ZNF705A: variants seen among roughly 807,000 people sequenced by gnomAD.
ZNF705A encodes the protein zinc finger protein 705A.
Under a neutral mutation model 16.6 loss-of-function variants are expected in ZNF705A, and 8 were observed. The ratio of observed to expected loss-of-function variants is 0.48; its 90% confidence interval spans 0.28 to 0.87. The LOEUF is 0.87. ZNF705A is among the 40% of genes least tolerant of loss of function. The pLI, the probability that ZNF705A is intolerant of heterozygous loss-of-function variation, is 0.10. For synonymous variants in ZNF705A, 73 were observed against 117.3 expected (o/e 0.62, Z 2.44); for missense variants, 233 against 359.9 (o/e 0.65, Z 2.85).
upstream of ZNF705A, among the ~76,000 whole-genome samples, chr12:8,170,208 G>GGA (rs1234222791): frequency 3.0e-5 from 4 of 134,278 alleles, no homozygotes; most frequent in African/African-American, 6.7e-5. Flanking sequence ...AAAAAAAAAA[G>GGA]GAGAGAGAGA....
chr12:8,171,446 T>C (rs1357906882), upstream of ZNF705A, among the ~76,000 whole-genome samples: 3 of 152,220 alleles, frequency 2.0e-5, no homozygotes, highest in Non-Finnish European at 4.4e-5. Flanking sequence ...TGTATCATGA[T>C]AATCAGAGAT....
exon 5 of ZNF705A, chr12:8,177,796 C>T (rs1948498566): frequency 1.3e-6 from 1 of 762,940 alleles, no homozygotes; most frequent in African/African-American, 1.8e-5. Context: ...GTTGTAGCAT[C>T]TAAACATGCC....
intron 1 of ZNF705A, among the ~76,000 whole-genome samples, chr12:8,163,905 GT>G (rs943246052): frequency 6.6e-6 from 1 of 151,720 alleles, no homozygotes; most frequent in Non-Finnish European, 1.5e-5. Flanking sequence ...CCCCCTTCTT[GT>G]TTTTTTTAAC....
exon 1 of ZNF705A, chr12:8,172,624 C>T (rs1948454123): frequency 1.9e-5 from 30 of 1,596,448 alleles, no homozygotes; most frequent in Non-Finnish European, 2.5e-5. Flanking sequence ...GAGTTCCGGA[C>T]AATGCATTCA....
upstream of ZNF705A, among the ~76,000 whole-genome samples, chr12:8,169,417 A>AT (rs1310757450): frequency 7.2e-5 from 11 of 152,230 alleles, no homozygotes; most frequent in East Asian, 2.1e-3. Context: ...AGATAACAGG[A>AT]TTTTCCATTT....
chr12:8,163,014 G>A (rs1463266208), intron 1 of ZNF705A, among the ~76,000 whole-genome samples: 3 of 152,188 alleles, frequency 2.0e-5, no homozygotes, highest in Non-Finnish European at 4.4e-5. Context: ...GGAGGGAGTT[G>A]AATCATGTGG....
At position 8,164,898 on chromosome 12, in the gene ZNF705A, G is replaced by A. The variant is rs143984677; in HGVS notation, c.-71-7657G>A. ...GTGGTATTTCTGGTTGTAGGTCTTT[G>A]AGGAATCACCATACTGTCTTCCACA... On this transcript the variant is annotated intron_variant, in intron 1 of 5. Coordinates refer to the ZNF705A transcript ENST00000396570. Among the ~76,000 whole-genome samples, 622 of 152,262 alleles carry A rather than the reference G, an allele frequency of 4.1e-3. 4 individuals carry two copies. Among genetic ancestry groups the A allele is most frequent in the African/African-American group, 0.014 (577 of 41,550 alleles).
intron 1 of ZNF705A, among the ~76,000 whole-genome samples, chr12:8,165,701 A>G (rs1948394531): frequency 6.6e-6 from 1 of 151,936 alleles, no homozygotes; most frequent in Non-Finnish European, 1.5e-5. Flanking sequence ...AGTAGTCCCC[A>G]GTATCTGTTG....
In ZNF705A at chr12:8,161,636, C is replaced by T. The variant is rs746133200; in HGVS notation, c.-72+4544C>T. ...ATCAGTGGTGTCAGTTGTAATATCT[C>T]CTGTTCCAATTACCAGAAATGCAAC... On this transcript the variant is annotated intron_variant, in intron 1 of 5. Coordinates refer to the ZNF705A transcript ENST00000396570. Among the ~76,000 whole-genome samples, 15 of 152,192 alleles carry T rather than the reference C, an allele frequency of 9.9e-5. 1 individual carries two copies. The South Asian group carries it at 2.9e-3, about 29-fold the overall frequency.
At chr12:8,179,381 C>G (rs1182830838) in exon 5 of ZNF705A, 1 of 152,212 alleles carries the variant, frequency 6.6e-6, no homozygotes, top group Admixed American at 6.5e-5. Context: ...ATGTACTTTT[C>G]CCGAAGCAAA....
chr12:8,170,812 T>C (rs1421648150), upstream of ZNF705A, among the ~76,000 whole-genome samples: 9 of 152,274 alleles, frequency 5.9e-5, no homozygotes, highest in Admixed American at 3.9e-4. Flanking sequence ...GATGAACAGA[T>C]GTAGAAAATA....
chr12:8,179,818 A>G (rs1046096953), exon 5 of ZNF705A: 16 of 152,198 alleles, frequency 1.1e-4, no homozygotes. Context: ...CTGACATTAT[A>G]TGTACTCCTG....
chr12:8,179,598 A>T (rs1948515744), exon 5 of ZNF705A: 1 of 152,210 alleles, frequency 6.6e-6, no homozygotes, highest in Admixed American at 6.5e-5. Context: ...CCGTGGTTGA[A>T]GTTGACAAAT....
chr12:8,158,417 T>G (rs1175857623), intron 1 of ZNF705A, among the ~76,000 whole-genome samples: 1 of 152,176 alleles, frequency 6.6e-6, no homozygotes, highest in East Asian at 1.9e-4. Flanking sequence ...TGGCTTCTTT[T>G]GTTTAGCATA....
upstream of ZNF705A, among the ~76,000 whole-genome samples, chr12:8,168,093 C>G (rs1200093345): frequency 6.6e-6 from 1 of 152,188 alleles, no homozygotes; most frequent in Non-Finnish European, 1.5e-5. Context: ...GCTTTCTTTC[C>G]TTTTCCGGTG....
chr12:8,160,564 ATTTT>A (rs71042338), intron 1 of ZNF705A, among the ~76,000 whole-genome samples: 12 of 135,932 alleles, frequency 8.8e-5, no homozygotes, highest in Admixed American at 7.3e-5. Flanking sequence ...ATTTCTAAGT[ATTTT>A]TTTTTTTTTT....
At chr12:8,176,099 G>C (rs1948482687) in intron 4 of ZNF705A, among the ~76,000 whole-genome samples, 157 bp downstream of exon 5, 1 of 152,184 alleles carries the variant, frequency 6.6e-6, no homozygotes. Context: ...TGAATACATT[G>C]AACTGTGTTC....
chr12:8,161,534 A>G (rs1948355146), intron 1 of ZNF705A, among the ~76,000 whole-genome samples: 1 of 151,758 alleles, frequency 6.6e-6, no homozygotes, highest in Non-Finnish European at 1.5e-5. Flanking sequence ...GGAGGGTTGT[A>G]TTTTTCTAGG....
At chr12:8,174,286 G>A in intron 1 of ZNF705A, 40 bp from the exon 3 acceptor site, 3 of 1,595,496 alleles carry the variant, frequency 1.9e-6, no homozygotes, top group Non-Finnish European at 1.7e-6. Context: ...ACATTGAAAG[G>A]GATTTCTCTG....
Sources: allele counts gnomAD v4.1 joint callset (sites outside exome capture counted in the v4.1 genomes callset), GRCh38; gene constraint gnomAD v4.1.1; transcripts MANE v1.5; gene names NCBI Gene and HGNC (gene_info 2026-07-23, HGNC 2026-07-21).